Variants in MYRIP observed in about 807,000 individuals in gnomAD.
MYRIP encodes the protein myosin VIIA and Rab interacting protein, also known as rab effector MyRIP.
Under a neutral mutation model 98.0 loss-of-function variants are expected in MYRIP, and 49 were observed. The ratio of observed to expected loss-of-function variants is 0.50; its 90% CI spans 0.40 to 0.63. The LOEUF (loss-of-function observed/expected upper bound fraction) is 0.63. Ranked by LOEUF, MYRIP falls within the 30% of genes least tolerant of loss-of-function variation. The probability of loss-of-function intolerance (pLI) is 0.00; values close to 1 mark genes in which losing one functional copy is unlikely to be tolerated. For synonymous variants in MYRIP, 404 were observed against 409.5 expected (o/e 0.99, Z 0.16); for missense variants, 1,004 against 1,058.2 (o/e 0.95, Z 0.71).
Position 39,902,663 on chromosome 3 carries a change from T to G in MYRIP, c.110+1737T>G, listed in dbSNP as rs569945152. 2.6e-5 allele frequency among the ~76,000 whole-genome samples: 4 copies of G among 152,354 alleles called. No homozygotes were observed. In the South Asian group the frequency reaches 6.2e-4, roughly 24 times the overall value. On this transcript the variant is annotated intron_variant, in intron 2 of 16. Transcript: ENST00000302541. ...TTTCCTTTAAATCATAAAGACCATC[T>G]GTGTGTCATGCTTCATCTCCTGGAA... is the stretch of plus-strand genomic sequence containing the variant.
chr3:40,210,684 C>T (rs1951903729), intron 11 of MYRIP, among the ~76,000 whole-genome samples: 1 of 152,084 alleles, frequency 6.6e-6, no homozygotes, highest in Non-Finnish European at 1.5e-5. Context: ...TCTCAGGGTC[C>T]CCAAAGCCCT....
chr3:39,904,978 T>C (rs1018516519), intron 2 of MYRIP, among the ~76,000 whole-genome samples: 2 of 152,126 alleles, frequency 1.3e-5, no homozygotes, highest in African/African-American at 4.8e-5. Flanking sequence ...GAGGACTTAT[T>C]TACAAATTCA....
intron 2 of MYRIP, among the ~76,000 whole-genome samples, chr3:40,023,488 C>T (rs1156514276): frequency 7.3e-6 from 1 of 136,196 alleles, no homozygotes; most frequent in African/African-American, 2.8e-5. Flanking sequence ...ATCCCACAAG[C>T]CTGCACTCAC....
intron 10 of MYRIP, among the ~76,000 whole-genome samples, chr3:40,201,000 C>A (rs1343524313): frequency 1.3e-5 from 2 of 152,190 alleles, no homozygotes; most frequent in Non-Finnish European, 2.9e-5. Context: ...CTCTGCAAAG[C>A]GACAGAACAG....
At chr3:39,978,838 A>C (rs1248132750) in intron 2 of MYRIP, among the ~76,000 whole-genome samples, 1 of 148,124 alleles carries the variant, frequency 6.8e-6, no homozygotes, top group African/African-American at 2.6e-5. Context: ...TTTTTTTTTA[A>C]ATGTCACCAG....
At chr3:40,242,531 C>A (rs981278999) in intron 12 of MYRIP, 89 of 148,260 alleles carry the variant, frequency 6.0e-4, no homozygotes, top group African/African-American at 2.2e-3. Context: ...AGTGAATGAA[C>A]ATGTTGAAGA....
intron 5 of MYRIP, among the ~76,000 whole-genome samples, chr3:40,165,756 T>TAAAAA (rs3063826): frequency 6.9e-6 from 1 of 144,112 alleles, no homozygotes; most frequent in African/African-American, 2.5e-5. Flanking sequence ...TGCCATATCT[T>TAAAAA]AAAAAAAAAA....
At chr3:39,941,758 TATGATTTTTTATAAC>T (rs1001472541) in intron 2 of MYRIP, among the ~76,000 whole-genome samples, 7 of 152,118 alleles carry the variant, frequency 4.6e-5, no homozygotes, top group Non-Finnish European at 8.8e-5. Flanking sequence ...ATATTCGGGT[TATGATTTTTTATAAC>T]ATAAATAATG....
intron 2 of MYRIP, among the ~76,000 whole-genome samples, chr3:40,017,264 C>T (rs1423803160): frequency 6.6e-6 from 1 of 152,166 alleles, no homozygotes; most frequent in Non-Finnish European, 1.5e-5. Context: ...TAGATGTGCC[C>T]TCAGAATTCT....
intron 11 of MYRIP, 32 bp downstream of exon 11, chr3:40,210,125 C>T: frequency 6.2e-7 from 1 of 1,605,240 alleles, no homozygotes; most frequent in Non-Finnish European, 8.5e-7. Context: ...GCAGACAGCT[C>T]AAGCTTCTGC....
chr3:40,198,591 A>G (rs1037549693), intron 10 of MYRIP, among the ~76,000 whole-genome samples: 1 of 152,154 alleles, frequency 6.6e-6, no homozygotes, highest in African/African-American at 2.4e-5. Context: ...TTTGTGTGAA[A>G]GATGTTTGCC....
intron 1 of MYRIP, among the ~76,000 whole-genome samples, chr3:39,848,867 T>G (rs927477073): frequency 6.6e-6 from 1 of 152,212 alleles, no homozygotes; most frequent in Non-Finnish European, 1.5e-5. Context: ...ATTGTGAGTT[T>G]TAATAATTTA....
chr3:40,211,634 C>G (rs940856937), intron 11 of MYRIP, among the ~76,000 whole-genome samples: 1 of 152,180 alleles, frequency 6.6e-6, no homozygotes, highest in Non-Finnish European at 1.5e-5. Context: ...CAGATTTGTA[C>G]GCTGGAGCTT....
intron 1 of MYRIP, among the ~76,000 whole-genome samples, chr3:39,816,102 G>A (rs1319001332): frequency 6.8e-6 from 1 of 146,972 alleles, no homozygotes; most frequent in Non-Finnish European, 1.5e-5. Context: ...TTTGTTTTGA[G>A]ACAGAGTCTT....
intron 10 of MYRIP, among the ~76,000 whole-genome samples, chr3:40,205,351 GTTCTGGATC>G (rs1951762959): frequency 6.6e-6 from 1 of 152,084 alleles, no homozygotes; most frequent in Non-Finnish European, 1.5e-5. Context: ...TGATCTTTTG[GTTCTGGATC>G]TACATTCACC....
chr3:40,003,561 G>T lies in MYRIP; in HGVS notation c.111-40489G>T, dbSNP rs576871285. On this transcript the variant is annotated intron_variant, in intron 2 of 16. Coordinates refer to ENST00000302541, the MANE Select transcript of MYRIP (RefSeq NM_015460.4). ...CATACCTATAATGACAGCTCTGGAT[G>T]AAGTGTTGTAGGGTGAGAAGAAAAA... Among the ~76,000 whole-genome samples, 7 of 152,282 alleles carry T rather than the reference G, an allele frequency of 4.6e-5. No homozygotes were observed. In the South Asian group the frequency reaches 1.5e-3, roughly 32 times the overall value.
chr3:40,253,286 T>A (rs1392147291), intron 16 of MYRIP, among the ~76,000 whole-genome samples: 1 of 152,184 alleles, frequency 6.6e-6, no homozygotes, highest in Non-Finnish European at 1.5e-5. Context: ...CCCAGTGACA[T>A]ATGTTCAACA....
intron 2 of MYRIP, among the ~76,000 whole-genome samples, chr3:40,020,844 T>C (rs1449722069): frequency 6.6e-6 from 1 of 152,176 alleles, no homozygotes; most frequent in African/African-American, 2.4e-5. Flanking sequence ...CACGTTGATA[T>C]CAAGTGCTAA....
intron 2 of MYRIP, among the ~76,000 whole-genome samples, chr3:39,924,652 A>G (rs1489723462): frequency 3.3e-5 from 5 of 152,040 alleles, no homozygotes; most frequent in Admixed American, 2.0e-4. Context: ...CATTTATAGA[A>G]CACTTCCCCC....
Sources: gnomAD v4.1 joint callset for allele counts (sites outside exome capture counted in the v4.1 genomes callset) on GRCh38, gnomAD v4.1.1 for gene constraint, MANE v1.5 for transcripts, NCBI Gene and HGNC (gene_info 2026-07-23, HGNC 2026-07-21) for gene names.